The following PTPN12 variants were observed in gnomAD, a reference collection of about 807,000 sequenced individuals.
PTPN12 encodes protein tyrosine phosphatase non-receptor type 12.
Under a neutral mutation model 97.6 loss-of-function variants are expected in PTPN12, and 29 were observed. The ratio of observed to expected loss-of-function variants is 0.30; its 90% confidence interval spans 0.22 to 0.41. PTPN12 has a LOEUF of 0.41. PTPN12 is among the 10% of genes least tolerant of loss of function. The pLI is 1.00. For synonymous variants in PTPN12, 327 were observed against 300.4 expected, an observed-to-expected ratio of 1.09 and a Z score of -0.91; for missense variants, 819 against 926.0, an observed-to-expected ratio of 0.88 and a Z score of 1.50.
chr7:77,556,217 T>G (rs985150490), intron 1 of PTPN12, among the ~76,000 whole-genome samples: 3 of 151,954 alleles, frequency 2.0e-5, no homozygotes, highest in African/African-American at 7.2e-5. Flanking sequence ...TGTGTGAACA[T>G]GCCTGGCTAA....
chr7:77,584,843 C>T (rs945270767), intron 4 of PTPN12, among the ~76,000 whole-genome samples: 1 of 151,080 alleles, frequency 6.6e-6, no homozygotes, highest in African/African-American at 2.4e-5. Context: ...CGCCACTGCA[C>T]TCCAGCCTGG....
chr7:77,624,018 T>C lies in PTPN12; in HGVS notation c.1026-2687T>C, dbSNP rs575599625. Among the ~76,000 whole-genome samples, 10 of 152,312 alleles carry C rather than the reference T, an allele frequency of 6.6e-5. No homozygotes were observed. In the South Asian group the frequency reaches 1.9e-3, roughly 28 times the overall value. Reference sequence around the variant, plus strand: ...CCTCACACCTGTAATCCCAGCTCTTTGGGAGGACATGGCAGGTGAATTGCT... The same window carrying C: ...CCTCACACCTGTAATCCCAGCTCTTCGGGAGGACATGGCAGGTGAATTGCT... On this transcript the variant is annotated intron_variant, in intron 12 of 17. Transcript: ENST00000248594.
chr7:77,625,418 A>AT (rs1321985159), intron 12 of PTPN12, among the ~76,000 whole-genome samples: 6 of 119,802 alleles, frequency 5.0e-5, no homozygotes, highest in African/African-American at 1.9e-4. Flanking sequence ...CATCCAGTTA[A>AT]TTTTTTTGTA....
chr7:77,590,926 A>G (rs1259491491), intron 5 of PTPN12, among the ~76,000 whole-genome samples: 1 of 151,492 alleles, frequency 6.6e-6, no homozygotes, highest in Admixed American at 6.6e-5. Flanking sequence ...GGTCCCAGCT[A>G]CTCAGGAGGC....
At chr7:77,604,201 T>G (rs1343505157) in intron 8 of PTPN12, among the ~76,000 whole-genome samples, 1 of 135,652 alleles carries the variant, frequency 7.4e-6, no homozygotes, top group Non-Finnish European at 1.5e-5. Flanking sequence ...GTTTGCATTT[T>G]TTTCTTCCTT....
At chr7:77,570,524 A>G (rs1808427805) in intron 1 of PTPN12, among the ~76,000 whole-genome samples, 1 of 152,226 alleles carries the variant, frequency 6.6e-6, no homozygotes, top group South Asian at 2.1e-4. Context: ...CATATGTGGT[A>G]AGAATTTGTC....
chr7:77,551,441 T>C (rs1807475899), intron 1 of PTPN12, among the ~76,000 whole-genome samples: 2 of 152,242 alleles, frequency 1.3e-5, no homozygotes, highest in South Asian at 4.1e-4. Context: ...TCAGCTTTAA[T>C]TTTTCAGTCA....
chr7:77,588,910 T>C (rs1472807858), intron 5 of PTPN12, among the ~76,000 whole-genome samples: 1 of 152,214 alleles, frequency 6.6e-6, no homozygotes, highest in Non-Finnish European at 1.5e-5. Context: ...TCCTGCTGTG[T>C]CAGTCAGGCT....
chr7:77,607,481 C>T lies in PTPN12; in HGVS notation c.762+180C>T, dbSNP rs891034155. The T allele has an allele frequency of 1.4e-4, 65 of 471,796 alleles. 1 individual carries two copies. Among genetic ancestry groups the T allele is most frequent in the African/African-American group, 1.3e-3 (62 of 49,130 alleles). 29.2% of individuals were successfully genotyped at this position (471,796 alleles called of 1,614,324 possible). A position where few individuals can be genotyped will look rare whatever the true frequency, so the allele number is the denominator to read the frequency against. On this transcript the variant is annotated intron_variant, in intron 9 of 17. Transcript: ENST00000248594. ...GGCACAGTGGCTTACGCCTGTAATC[C>T]TAGCACTTTGGGAGGCCAAGGTGGG...
At chr7:77,590,016 T>C (rs1263045667) in intron 5 of PTPN12, among the ~76,000 whole-genome samples, 2 of 152,206 alleles carry the variant, frequency 1.3e-5, no homozygotes, top group Admixed American at 1.3e-4. Context: ...TAACCTTGAC[T>C]TTGATCTTGA....
Position 77,614,780 on chromosome 7 carries a change from A to T in PTPN12, c.940-3700A>T, listed in dbSNP as rs924373544. ...TAGAACTGTGTGGTTGAATGAAATG[A>T]CTTGAAAGGTGTATTAACTATTTAG... is the stretch of plus-strand genomic sequence containing the variant. On this transcript the variant is annotated intron_variant, in intron 11 of 17. Transcript: ENST00000248594. 1.3e-5 allele frequency among the ~76,000 whole-genome samples: 2 copies of T among 152,342 alleles called. 1 individual carries two copies. The highest frequency in any genetic ancestry group is 1.3e-4 in the Admixed American group (2 of 15,300).
Position 77,638,698 on chromosome 7 carries a change from A to G in PTPN12, c.2248A>G (p.Ile750Val), listed in dbSNP as rs764208317. The G allele has an allele frequency of 6.2e-7, 1 of 1,607,742 alleles. No individual in the cohort carries two copies. The highest frequency in any genetic ancestry group is 2.3e-5 in the East Asian group (1 of 44,366). Residue 750 changes from isoleucine (I) to valine (V), a missense_variant, in exon 17 of 18, where the codon ATA becomes GTA. Ile to Val is a conservative substitution (Grantham distance 29). Transcript: ENST00000248594. ...PPTFSDKREQ[I>V]SENPTEATDI... is the part of the protein sequence containing the mutation. ...TACTTTCAGTGACAAGAGAGAACAA[A>G]TATCAGAAAATCCAACAGAAGCCAC... is the stretch of plus-strand genomic sequence containing the variant.
intron 2 of PTPN12, among the ~76,000 whole-genome samples, chr7:77,577,025 G>C (rs1037636009): frequency 4.6e-5 from 7 of 152,210 alleles, no homozygotes; most frequent in African/African-American, 1.4e-4. Context: ...TCAGTGGACA[G>C]AACTGGGGTG....
At chr7:77,583,251 A>T (rs2151333019) in intron 3 of PTPN12, among the ~76,000 whole-genome samples, 1 of 152,318 alleles carries the variant, frequency 6.6e-6, no homozygotes, top group Non-Finnish European at 1.5e-5. Flanking sequence ...TTTGTTGAGT[A>T]GGTATTAGGG....
Position 77,570,191 on chromosome 7 carries a change from G to A in PTPN12, c.100-887G>A, listed in dbSNP as rs756782334. The stretch of plus-strand genomic sequence containing the variant: ...AGTATTGTGATGATAAAATTTAGTC[G>A]TTTTTCAAAGAAAAAGAAAGGTTTA... On this transcript the variant is annotated intron_variant, in intron 1 of 17. Transcript: ENST00000248594. Among the ~76,000 whole-genome samples the A allele has an allele frequency of 5.3e-5, 8 of 152,122 alleles. 1 individual carries two copies. The highest frequency in any genetic ancestry group is 7.4e-5 in the Non-Finnish European group (5 of 67,986).
rs188436591 is a variant in PTPN12, at chr7:77,623,553, A to G, written c.1026-3152A>G. Among the ~76,000 whole-genome samples, 12 of 152,372 alleles carry G rather than the reference A, an allele frequency of 7.9e-5. No homozygotes were observed. The East Asian group carries it at 1.2e-3, about 15-fold the overall frequency. ...TGGCGAAACCCTGTCTCTACTAAAA[A>G]TACAAACATTAGCCGGGCGTCATGG... On this transcript the variant is annotated intron_variant, in intron 12 of 17. Coordinates refer to ENST00000248594, the MANE Select transcript of PTPN12 (RefSeq NM_002835.4).
chr7:77,544,738 C>A (rs953957607), intron 1 of PTPN12, among the ~76,000 whole-genome samples: 2 of 152,252 alleles, frequency 1.3e-5, no homozygotes, highest in Non-Finnish European at 2.9e-5. Context: ...AGGCTAGAGA[C>A]TGGGACTTAA....
intron 13 of PTPN12, among the ~76,000 whole-genome samples, chr7:77,629,897 C>A (rs1192160355): frequency 2.7e-5 from 4 of 148,386 alleles, no homozygotes; most frequent in African/African-American, 1.0e-4. Flanking sequence ...GCCATAATTG[C>A]GTCCCGGCAC....
chr7:77,617,804 T>TA (rs992092427), intron 11 of PTPN12, among the ~76,000 whole-genome samples: 23 of 149,360 alleles, frequency 1.5e-4, no homozygotes, highest in African/African-American at 5.6e-4. Context: ...CTAAGGTTCT[T>TA]ATACCTGTAT....
Sources: allele counts gnomAD v4.1 joint callset (sites outside exome capture counted in the v4.1 genomes callset), GRCh38; gene constraint gnomAD v4.1.1; transcripts MANE v1.5; gene names NCBI Gene and HGNC (gene_info 2026-07-23, HGNC 2026-07-21).